ZC3H3: variants seen among roughly 807,000 people sequenced by gnomAD.
The protein encoded by ZC3H3 is zinc finger CCCH domain-containing protein 3.
Under a neutral mutation model 77.3 loss-of-function variants are expected in ZC3H3, and 36 were observed. The ratio of observed to expected loss-of-function variants is 0.47; its 90% CI spans 0.36 to 0.61. The LOEUF is 0.61. Among genes scored for constraint, ZC3H3 ranks in the 20% least tolerant of loss-of-function variants. ZC3H3 has a pLI of 0.00. For missense variants in ZC3H3, 1,331 were observed against 1,312.2 expected (o/e 1.01, Z -0.22); for synonymous variants, 626 against 555.2 (o/e 1.13, Z -1.79).
chr8:143,456,873 A>AAACAAC lies in ZC3H3; in HGVS notation c.2307+8838_2307+8843dup, dbSNP rs924400039. Among the ~76,000 whole-genome samples the AAACAAC allele has an allele frequency of 2.0e-5, 3 of 152,252 alleles. No homozygotes were observed. In the South Asian group the frequency reaches 6.2e-4, roughly 32 times the overall value. The stretch of plus-strand genomic sequence containing the variant: ...ACAAAGCGAGACCCAGTCTCTAAAC[A>AAACAAC]AACAACAACAACAACAACGAAAAGA... On this transcript the variant is annotated intron_variant, in intron 9 of 11. Transcript: ENST00000262577.
At chr8:143,502,198 C>T (rs753167111) in intron 4 of ZC3H3, among the ~76,000 whole-genome samples, 3 of 152,266 alleles carry the variant, frequency 2.0e-5, no homozygotes, top group African/African-American at 7.2e-5. Context: ...GAGAAGTCAG[C>T]GTCTGATGCT....
intron 4 of ZC3H3, among the ~76,000 whole-genome samples, chr8:143,482,195 A>G (rs948673511): frequency 6.6e-6 from 1 of 152,212 alleles, no homozygotes; most frequent in East Asian, 1.9e-4. Flanking sequence ...TCTGGAAAGC[A>G]CTGTGCTCCC....
chr8:143,443,965 CT>C lies in ZC3H3; in HGVS notation c.2308-2846del, dbSNP rs1378699595. Reference sequence around the variant, plus strand: ...AACCCAAAGGGTTTTACTTGTAGTTCTTTTTTTCCTTTTTTTTTTTTTTTTC... The same window carrying C: ...AACCCAAAGGGTTTTACTTGTAGTTCTTTTTTCCTTTTTTTTTTTTTTTTC... On this transcript the variant is annotated intron_variant, in intron 9 of 11. Coordinates refer to ENST00000262577, the MANE Select transcript of ZC3H3 (RefSeq NM_015117.3). 4.6e-5 allele frequency among the ~76,000 whole-genome samples: 6 copies of C among 131,264 alleles called. No individual in the cohort carries two copies. The South Asian group carries it at 1.2e-3, about 25-fold the overall frequency. The allele number at this position is 131,264 out of a possible 152,430, so 86.1% of individuals were successfully genotyped here.
intron 9 of ZC3H3, among the ~76,000 whole-genome samples, chr8:143,457,154 C>A (rs1445080380): frequency 2.0e-5 from 3 of 152,174 alleles, no homozygotes; most frequent in Non-Finnish European, 2.9e-5. Context: ...TTTTCAAGTA[C>A]ACATGGGACA....
chr8:143,530,188 C>T lies in ZC3H3; in HGVS notation c.1561+6069G>A, dbSNP rs1303488862. Among the ~76,000 whole-genome samples, 1 of 152,104 alleles carries T rather than the reference C, an allele frequency of 6.6e-6. No individual in the cohort carries two copies. Among genetic ancestry groups the T allele is most frequent in the African/African-American group, 2.4e-5 (1 of 41,418 alleles). On this transcript the variant is annotated intron_variant, in intron 3 of 11. Transcript: ENST00000262577. This position sits in a 1 kb window ranked among gnomAD's most constrained non-coding sequence, Gnocchi z 4.3. ...TGTCCACACGAGACCACCACGCAAG[C>T]CAGGCCCTTTCTGTCCACCACAGGT... is the stretch of plus-strand genomic sequence containing the variant.
chr8:143,438,082 G>A lies in ZC3H3; in HGVS notation c.2821C>T (p.Pro941Ser), dbSNP rs1232314274. 1.9e-6 allele frequency: 3 copies of A among 1,610,294 alleles called. No homozygotes were observed. The African/African-American group carries it at 4.0e-5, about 22-fold the overall frequency. The change falls in exon 12 of 12, where the codon CCT becomes TCT. Residue 941 changes from proline to serine, a missense_variant. This residue lies in a region of ZC3H3 where 249 missense variants were observed against 236.9 expected (regional missense o/e 1.05). Transcript: ENST00000262577. ...RAPLTKDSGK[P>S]LHIKPRL ...CACAGACGTGGTTTGATGTGCAGAGGCTTCCCTATGCAAAGAGGGCAAAAG... is the reference window on the plus strand; with the variant it reads ...CACAGACGTGGTTTGATGTGCAGAGACTTCCCTATGCAAAGAGGGCAAAAG...
intron 3 of ZC3H3, among the ~76,000 whole-genome samples, chr8:143,522,017 G>A (rs1220313169): frequency 6.6e-6 from 1 of 152,208 alleles, no homozygotes; most frequent in Non-Finnish European, 1.5e-5. Flanking sequence ...GAAGGGGTGT[G>A]TCCACCCAGG....
At position 143,440,277 on chromosome 8, in the gene ZC3H3, C is replaced by A. The variant is rs1440752354; in HGVS notation, c.2579G>T (p.Cys860Phe). The A allele has an allele frequency of 1.3e-6, 2 of 1,580,620 alleles. No individual in the cohort carries two copies. ...TAAAVAAPPH[C>F]PGGSASPSSS... ...TGAGGGAGAGGCTGACCCCCCTGGG[C>A]AGTGGGGAGGTGCAGCCACGGCAGC... is the stretch of plus-strand genomic sequence containing the variant. The change falls in exon 11 of 12, where the codon TGC (cysteine) becomes TTC (phenylalanine). Residue 860 changes from cysteine to phenylalanine, a missense_variant. Physicochemically the swap from Cys to Phe is radical, Grantham distance 205. Transcript: ENST00000262577.
At chr8:143,507,927 T>A in intron 3 of ZC3H3, 28 bp from the exon 4 acceptor site, 1 of 1,557,910 alleles carries the variant, frequency 6.4e-7, no homozygotes, top group Non-Finnish European at 8.7e-7. Flanking sequence ...GGCACAGACA[T>A]GGGTCAGGGA....
In ZC3H3 at chr8:143,536,383, T is replaced by C. The variant is rs1822799004; in HGVS notation, c.1435A>G (p.Arg479Gly). 6.3e-7 allele frequency: 1 copy of C among 1,585,330 alleles called. No individual in the cohort carries two copies. Among genetic ancestry groups the C allele is most frequent in the African/African-American group, 1.3e-5 (1 of 74,382 alleles). The change falls in exon 3 of 12, where the codon AGA (arginine) becomes GGA (glycine). Residue 479 changes from arginine (R) to glycine (G), a missense_variant. Around this residue, in one of 3 missense-constraint regions of ZC3H3, gnomAD observed 978 missense variants for 915.5 expected, o/e 1.07. Transcript: ENST00000262577. ...CTGCTCTTCCCCCTGAGGGCCTGTC[T>C]CCGCCGGAGGCTGAGGTGGCTCTTG... ...TAKSHLSLRR[R>G]QALRGKSSPV... is the part of the protein sequence containing the mutation.
Position 143,440,177 on chromosome 8 carries a change from G to C in ZC3H3, c.2679C>G (p.Leu893=), listed in dbSNP as rs146768944. Residue 893 remains leucine (L), a synonymous_variant, in exon 11 of 12, where the codon CTC becomes CTG. Coordinates refer to ENST00000262577, the MANE Select transcript of ZC3H3 (RefSeq NM_015117.3). ...ACGCTGCTGCTAAGGCAGCCTCCTG[G>C]AGAGATGGTGCCTCGTGGTCCAAGG... ...PASLDHEAPS[L]QEAALAAACS... is the part of the protein sequence containing the mutation. The C allele has an allele frequency of 1.1e-4, 177 of 1,611,960 alleles. No individual in the cohort carries two copies. Among genetic ancestry groups the C allele is most frequent in the African/African-American group, 2.0e-4 (15 of 74,914 alleles).
At position 143,458,966 on chromosome 8, in the gene ZC3H3, AAAAAGAAAAAGAAAGAAAG is replaced by A. The variant is rs1327569957; in HGVS notation, c.2307+6732_2307+6750del. On this transcript the variant is annotated intron_variant, in intron 9 of 11. Transcript: ENST00000262577. The stretch of plus-strand genomic sequence containing the variant: ...CGAGACCTTGTTCTTCAAGAAAAAA[AAAAAGAAAAAGAAAGAAAG>A]AAAAGAAAAAAGACAGAAAAGCACA... Among the ~76,000 whole-genome samples, 5 of 152,354 alleles carry A rather than the reference AAAAAGAAAAAGAAAGAAAG, an allele frequency of 3.3e-5. No homozygotes were observed. In the East Asian group the frequency reaches 9.6e-4, roughly 29 times the overall value.
At chr8:143,520,847 C>T (rs1822218587) in intron 3 of ZC3H3, among the ~76,000 whole-genome samples, 1 of 152,248 alleles carries the variant, frequency 6.6e-6, no homozygotes, top group Admixed American at 6.5e-5. Context: ...TAGGGCCCAC[C>T]CCTGCCCAGG....
intron 4 of ZC3H3, among the ~76,000 whole-genome samples, chr8:143,478,889 G>C (rs1391641288): frequency 6.6e-6 from 1 of 152,224 alleles, no homozygotes; most frequent in Non-Finnish European, 1.5e-5. Context: ...CACCTTACTG[G>C]AGTGTGAGAA....
chr8:143,517,822 C>T (rs999607485), intron 3 of ZC3H3, among the ~76,000 whole-genome samples: 36 of 152,338 alleles, frequency 2.4e-4, no homozygotes, highest in African/African-American at 8.4e-4. Flanking sequence ...CCTGAGCTCC[C>T]TCCCCGAATC....
At chr8:143,463,689 G>C (rs1432424356) in intron 9 of ZC3H3, among the ~76,000 whole-genome samples, 1 of 152,228 alleles carries the variant, frequency 6.6e-6, no homozygotes, top group Non-Finnish European at 1.5e-5. Context: ...CTGAGGCAAG[G>C]GAGGAAAACA....
intron 3 of ZC3H3, among the ~76,000 whole-genome samples, chr8:143,519,656 C>G (rs73715651): frequency 0.017 from 2,597 of 152,224 alleles, 63 homozygotes; most frequent in African/African-American, 0.059. Flanking sequence ...CGTGCACATG[C>G]GCCACAGCGG....
At chr8:143,490,985 T>A (rs910324935) in intron 4 of ZC3H3, among the ~76,000 whole-genome samples, 1 of 152,258 alleles carries the variant, frequency 6.6e-6, no homozygotes, top group Non-Finnish European at 1.5e-5. Flanking sequence ...AAGTGGTATT[T>A]AAAACGGCGG....
At chr8:143,486,761 T>C (rs865831753) in intron 4 of ZC3H3, among the ~76,000 whole-genome samples, 6,793 of 58,662 alleles carry the variant, frequency 0.12, 17 homozygotes, top group African/African-American at 0.18. Flanking sequence ...CACGACCCCA[T>C]CACCACGAAG....
Sources: gnomAD v4.1 joint callset for allele counts (sites outside exome capture counted in the v4.1 genomes callset) on GRCh38, gnomAD v4.1.1 for gene constraint, gnomAD v4.1.1 regional missense constraint, Gnocchi (gnomAD v3.1) non-coding constraint, MANE v1.5 for transcripts, NCBI Gene and HGNC (gene_info 2026-07-23, HGNC 2026-07-21) for gene names.